KCNIP4: variants seen among roughly 807,000 people sequenced by gnomAD.
The protein encoded by KCNIP4 is Kv channel-interacting protein 4.
A neutral mutation model predicts 34.0 loss-of-function variants in KCNIP4; 12 were observed. The ratio of observed to expected loss-of-function variants is 0.35; its 90% CI spans 0.23 to 0.57. The LOEUF (loss-of-function observed/expected upper bound fraction) is 0.57. Among genes scored for constraint, KCNIP4 ranks in the 20% least tolerant of loss-of-function variants. KCNIP4 has a pLI of 0.83. For missense variants in KCNIP4, 238 were observed against 311.7 expected (o/e 0.76, Z 1.78); for synonymous variants, 124 against 102.2 (o/e 1.21, Z -1.29).
At chr4:20,884,006 C>G (rs910943645) in intron 1 of KCNIP4, among the ~76,000 whole-genome samples, 3 of 152,208 alleles carry the variant, frequency 2.0e-5, no homozygotes, top group South Asian at 2.1e-4. Flanking sequence ...ATTGGCCACA[C>G]TACCCTTTTT....
chr4:21,554,996 T>C (rs1411048260), intron 1 of KCNIP4, among the ~76,000 whole-genome samples: 1 of 152,220 alleles, frequency 6.6e-6, no homozygotes, highest in Non-Finnish European at 1.5e-5. Context: ...TTTTTTCTTC[T>C]GTTATTTAAT....
At chr4:21,120,622 C>A (rs890353862) in intron 1 of KCNIP4, among the ~76,000 whole-genome samples, 3 of 152,112 alleles carry the variant, frequency 2.0e-5, no homozygotes, top group Admixed American at 6.5e-5. Context: ...GGAAAATCTA[C>A]CATTTATAAA....
intron 1 of KCNIP4, among the ~76,000 whole-genome samples, chr4:21,137,903 G>A (rs67921960): frequency 7.9e-6 from 1 of 127,052 alleles, no homozygotes; most frequent in South Asian, 2.5e-4. Flanking sequence ...ATGGAGTCTT[G>A]CTCTATTACC....
At chr4:21,436,297 A>G (rs1726939967) in intron 1 of KCNIP4, among the ~76,000 whole-genome samples, 1 of 152,194 alleles carries the variant, frequency 6.6e-6, no homozygotes, top group Admixed American at 6.5e-5. Flanking sequence ...AATTTAACCC[A>G]GAAGGACTCT....
chr4:21,125,840 C>G (rs563261916), intron 1 of KCNIP4, among the ~76,000 whole-genome samples: 2 of 152,134 alleles, frequency 1.3e-5, no homozygotes, highest in East Asian at 3.9e-4. Flanking sequence ...AGTAGTTATT[C>G]TAAGAGGAGA....
intron 1 of KCNIP4, among the ~76,000 whole-genome samples, chr4:21,078,678 G>A (rs10005488): frequency 6.6e-6 from 1 of 152,024 alleles, no homozygotes; most frequent in Non-Finnish European, 1.5e-5. Context: ...AAAATTTGGA[G>A]TTAACTAATT....
intron 3 of KCNIP4, among the ~76,000 whole-genome samples, chr4:20,844,013 T>C (rs575116559): frequency 4.7e-4 from 71 of 152,352 alleles, no homozygotes; most frequent in Admixed American, 2.2e-3. Context: ...ACTGAAGGGC[T>C]CTGATATCTT....
At chr4:21,524,881 G>C (rs540355587) in intron 1 of KCNIP4, among the ~76,000 whole-genome samples, 1 of 152,050 alleles carries the variant, frequency 6.6e-6, no homozygotes, top group Non-Finnish European at 1.5e-5. Flanking sequence ...AATGACTTCT[G>C]TCTTAATTTA....
chr4:20,732,547 A>G, intron 7 of KCNIP4, 134 bp downstream of exon 7: 1 of 668,470 alleles, frequency 1.5e-6, no homozygotes, highest in Non-Finnish European at 2.7e-6. Context: ...TTAAATTAAT[A>G]GGATGCTAAA....
chr4:21,730,784 A>C (rs1298039101), intron 1 of KCNIP4, among the ~76,000 whole-genome samples: 1 of 152,122 alleles, frequency 6.6e-6, no homozygotes, highest in East Asian at 1.9e-4. Flanking sequence ...AAATTACTAC[A>C]TAGGTCACTT....
At chr4:20,789,619 C>T (rs574522793) in intron 3 of KCNIP4, among the ~76,000 whole-genome samples, 2 of 151,910 alleles carry the variant, frequency 1.3e-5, no homozygotes, top group African/African-American at 4.8e-5. Flanking sequence ...AATCAAAGGC[C>T]TCGAAAGCAC....
intron 1 of KCNIP4, among the ~76,000 whole-genome samples, chr4:21,776,626 G>A (rs559536257): frequency 2.7e-4 from 41 of 152,208 alleles, no homozygotes; most frequent in African/African-American, 9.4e-4. Context: ...TAGGCTTTGT[G>A]TCCCCACCCA....
intron 1 of KCNIP4, among the ~76,000 whole-genome samples, chr4:20,911,613 C>T (rs565817336): frequency 2.6e-5 from 4 of 152,098 alleles, no homozygotes; most frequent in South Asian, 2.1e-4. Flanking sequence ...ATTGTTCTAC[C>T]GTCTTCCTGA....
intron 1 of KCNIP4, among the ~76,000 whole-genome samples, chr4:21,324,693 G>GT (rs1714850434): frequency 6.9e-6 from 1 of 145,912 alleles, no homozygotes; most frequent in South Asian, 2.2e-4. Flanking sequence ...GATTCCTCCA[G>GT]TTTTGTTTTG....
At chr4:21,743,563 C>T (rs1249932752) in intron 1 of KCNIP4, among the ~76,000 whole-genome samples, 1 of 151,746 alleles carries the variant, frequency 6.6e-6, no homozygotes, top group Admixed American at 6.6e-5. Context: ...AGGACATGGG[C>T]ATTTTTGTAA....
chr4:20,816,615 T>G (rs564566543), intron 3 of KCNIP4, among the ~76,000 whole-genome samples: 2 of 152,186 alleles, frequency 1.3e-5, no homozygotes, highest in East Asian at 3.9e-4. Context: ...AAAGGAAGAG[T>G]TGAAGACACT....
intron 1 of KCNIP4, among the ~76,000 whole-genome samples, chr4:21,873,012 G>T (rs1725901894): frequency 6.6e-6 from 1 of 152,056 alleles, no homozygotes; most frequent in African/African-American, 2.4e-5. Context: ...TTCATGTATA[G>T]ATTCATTGAT....
At chr4:21,306,103 C>T (rs556744200) in intron 1 of KCNIP4, among the ~76,000 whole-genome samples, 1 of 152,264 alleles carries the variant, frequency 6.6e-6, no homozygotes, top group South Asian at 2.1e-4. Flanking sequence ...TGCTTTAATG[C>T]ATTGCTCCTT....
At chr4:21,928,506 A>C (rs1388251479) in intron 1 of KCNIP4, among the ~76,000 whole-genome samples, 1 of 152,278 alleles carries the variant, frequency 6.6e-6, no homozygotes, top group East Asian at 1.9e-4. Flanking sequence ...TCAAAGAGTA[A>C]ATCACCTTTT....
Sources: gnomAD v4.1 joint callset for allele counts (sites outside exome capture counted in the v4.1 genomes callset) on GRCh38, gnomAD v4.1.1 for gene constraint, MANE v1.5 for transcripts, NCBI Gene and HGNC (gene_info 2026-07-23, HGNC 2026-07-21) for gene names.